MAPK10: variants seen among roughly 807,000 people sequenced by gnomAD.
MAPK10 encodes the protein JNK3 alpha protein kinase.
In MAPK10, 25 loss-of-function variants were observed where a neutral mutation model predicts 59.3. That is an observed-to-expected ratio of 0.42 (90% CI 0.31 to 0.59). The LOEUF (loss-of-function observed/expected upper bound fraction) is 0.59, where lower values mean the gene tolerates loss of function less well. Among genes scored for constraint, MAPK10 ranks in the 20% least tolerant of loss-of-function variants. MAPK10 has a pLI of 0.15. For missense variants in MAPK10, 351 were observed against 568.9 expected (o/e 0.62, Z 3.90); for synonymous variants, 190 against 200.5 (o/e 0.95, Z 0.44).
chr4:86,103,000 CT>C (rs2055776604), intron 6 of MAPK10, 185 bp downstream of exon 6: 2 of 460,462 alleles, frequency 4.3e-6, no homozygotes. Flanking sequence ...ACAGAATCTT[CT>C]TTACATATCA....
chr4:86,029,044 AG>A lies in MAPK10; in HGVS notation c.1252+152del, dbSNP rs1193247205. On this transcript the variant is annotated intron_variant, in intron 13 of 13. Coordinates refer to ENST00000641462, the MANE Select transcript of MAPK10 (RefSeq NM_138982.4). ...AATGAATGCCACACTGAATATCAAA[AG>A]AAATAAAACTAAAATCATTATAAGG... 7 of 734,560 alleles carry A rather than the reference AG, an allele frequency of 9.5e-6. No homozygotes were observed. In the Admixed American group the frequency reaches 1.3e-4, roughly 13 times the overall value. The allele number at this position is 734,560 out of a possible 1,614,324, so 45.5% of individuals were successfully genotyped here. A position where few individuals can be genotyped will look rare whatever the true frequency, so the allele number is the denominator to read the frequency against.
intron 2 of MAPK10, among the ~76,000 whole-genome samples, chr4:86,273,880 A>G (rs2094500013): frequency 6.6e-6 from 1 of 152,088 alleles, no homozygotes; most frequent in African/African-American, 2.4e-5. Context: ...TTCAAATTAG[A>G]AAAGTCAGCA....
intron 2 of MAPK10, among the ~76,000 whole-genome samples, chr4:86,229,651 GA>G (rs2091238398): frequency 1.3e-5 from 2 of 151,950 alleles, no homozygotes; most frequent in South Asian, 4.2e-4. Flanking sequence ...ATGCATGATT[GA>G]AAATGTGAAA....
intron 2 of MAPK10, chr4:86,327,336 T>C (rs2096049428): frequency 6.6e-6 from 1 of 152,044 alleles, no homozygotes; most frequent in Non-Finnish European, 1.5e-5. Flanking sequence ...CCAAGTGAAG[T>C]TTACCAAACA....
intron 2 of MAPK10, among the ~76,000 whole-genome samples, chr4:86,255,734 G>A (rs2148724927): frequency 6.6e-6 from 1 of 152,190 alleles, no homozygotes; most frequent in Middle Eastern, 3.4e-3. Context: ...GGTTCCCTCT[G>A]CTTTGCCAAG....
At chr4:86,536,114 G>A (rs1023323460) in intron 1 of MAPK10, among the ~76,000 whole-genome samples, 16 of 152,314 alleles carry the variant, frequency 1.1e-4, no homozygotes, top group African/African-American at 3.4e-4. Context: ...TGGGGAGACA[G>A]TCTGGCTCAA....
intron 1 of MAPK10, among the ~76,000 whole-genome samples, chr4:86,548,533 G>C (rs1044710107): frequency 6.6e-6 from 1 of 152,130 alleles, no homozygotes; most frequent in African/African-American, 2.4e-5. Flanking sequence ...GGGTCTGGTG[G>C]GAGGTGACTG....
chr4:86,239,290 T>C (rs1040721542), intron 2 of MAPK10, among the ~76,000 whole-genome samples: 3 of 152,236 alleles, frequency 2.0e-5, no homozygotes, highest in Non-Finnish European at 4.4e-5. Context: ...TCATCAGGGA[T>C]ATTGGCCTGA....
At chr4:86,251,143 C>T (rs1380132673) in intron 2 of MAPK10, among the ~76,000 whole-genome samples, 1 of 147,100 alleles carries the variant, frequency 6.8e-6, no homozygotes, top group Non-Finnish European at 1.5e-5. Context: ...AATAGAACAT[C>T]GTTTTTATTT....
At chr4:86,523,707 T>C (rs954816722) in intron 1 of MAPK10, among the ~76,000 whole-genome samples, 1 of 152,162 alleles carries the variant, frequency 6.6e-6, no homozygotes, top group Non-Finnish European at 1.5e-5. Flanking sequence ...TCCAGCAAAA[T>C]CTACCCCTAC....
chr4:86,339,719 T>C (rs1197295492), intron 2 of MAPK10, among the ~76,000 whole-genome samples: 1 of 152,206 alleles, frequency 6.6e-6, no homozygotes, highest in East Asian at 1.9e-4. Context: ...CCTATCTCTT[T>C]GGAGATATTG....
intron 11 of MAPK10, among the ~76,000 whole-genome samples, chr4:86,049,525 A>G (rs2043127153): frequency 6.6e-6 from 1 of 152,072 alleles, no homozygotes; most frequent in East Asian, 1.9e-4. Flanking sequence ...AGGAACTGAT[A>G]ACATTTCCAT....
chr4:86,372,517 A>C lies in MAPK10; in HGVS notation c.-121-17873T>G, dbSNP rs923447951. Among the ~76,000 whole-genome samples the C allele has an allele frequency of 2.9e-5, 4 of 137,042 alleles. 1 individual carries two copies. The highest frequency in any genetic ancestry group is 1.2e-4 in the African/African-American group (4 of 34,628). The allele number at this position is 137,042 out of a possible 152,430, so 89.9% of individuals were successfully genotyped here. A position where few individuals can be genotyped will look rare whatever the true frequency, so the allele number is the denominator to read the frequency against. ...GGCGACAGAGTAAGACTCCATCTCA[A>C]ACAAAAGAAAGAAAGAAAGAAAGAA... On this transcript the variant is annotated intron_variant, in intron 1 of 13. Transcript: ENST00000361569.
chr4:86,039,150 CCT>C (rs1467640698), intron 11 of MAPK10, among the ~76,000 whole-genome samples: 3 of 152,136 alleles, frequency 2.0e-5, no homozygotes, highest in African/African-American at 4.8e-5. Flanking sequence ...TCCAGTGCTC[CCT>C]CTCTCACAGA....
At chr4:86,131,312 A>G (rs1340777384) in intron 4 of MAPK10, among the ~76,000 whole-genome samples, 3 of 152,198 alleles carry the variant, frequency 2.0e-5, no homozygotes, top group Non-Finnish European at 4.4e-5. Context: ...GCATACAGAC[A>G]GTTTAAGTGT....
intron 2 of MAPK10, chr4:86,352,088 T>C (rs2148964178): frequency 6.6e-6 from 1 of 152,252 alleles, no homozygotes; most frequent in East Asian, 1.9e-4. Context: ...CATATACTGC[T>C]GCTGGGAATG....
At chr4:86,333,711 A>G (rs1457931444) in intron 2 of MAPK10, among the ~76,000 whole-genome samples, 1 of 152,132 alleles carries the variant, frequency 6.6e-6, no homozygotes, top group Non-Finnish European at 1.5e-5. Context: ...GCTCTACCAT[A>G]TACTGGTTGG....
intron 2 of MAPK10, among the ~76,000 whole-genome samples, chr4:86,222,080 A>G (rs2089760541): frequency 6.6e-6 from 1 of 151,878 alleles, no homozygotes; most frequent in African/African-American, 2.4e-5. Flanking sequence ...CTTCCCCTTC[A>G]CCTTCTGCCA....
intron 9 of MAPK10, among the ~76,000 whole-genome samples, chr4:86,086,095 A>C (rs1285003449): frequency 6.6e-6 from 1 of 152,132 alleles, no homozygotes; most frequent in East Asian, 1.9e-4. Context: ...TAATGGGTGG[A>C]TAGGTGCAGC....
Sources: allele counts gnomAD v4.1 joint callset (sites outside exome capture counted in the v4.1 genomes callset), GRCh38; gene constraint gnomAD v4.1.1; transcripts MANE v1.5; gene names NCBI Gene and HGNC (gene_info 2026-07-23, HGNC 2026-07-21).